FRMD6: variants seen among roughly 807,000 people sequenced by gnomAD.
The protein encoded by FRMD6 is FERM domain-containing protein 6.
A neutral mutation model predicts 73.2 loss-of-function variants in FRMD6; 37 were observed. That is an observed-to-expected ratio of 0.51 (90% CI 0.39 to 0.66). FRMD6 has a LOEUF of 0.66. Among genes scored for constraint, FRMD6 ranks in the 30% least tolerant of loss-of-function variants. The pLI, the probability that FRMD6 is intolerant of heterozygous loss-of-function variation, is 0.00. For missense variants in FRMD6, 714 were observed against 780.5 expected (o/e 0.91, Z 1.02); for synonymous variants, 273 against 282.2 (o/e 0.97, Z 0.33).
At chr14:51,433,124 A>G in the FRMD6 span, among the ~76,000 whole-genome samples, 2 of 152,232 alleles carry the variant, frequency 1.3e-5, no homozygotes, top group Admixed American at 6.5e-5. Context: ...TTTAAAAGTG[A>G]AATTTGACAT....
At chr14:51,656,527 C>T (rs1029218782) in intron 1 of FRMD6, among the ~76,000 whole-genome samples, 4 of 151,952 alleles carry the variant, frequency 2.6e-5, no homozygotes, top group Admixed American at 1.3e-4. Flanking sequence ...GATTCTCCTG[C>T]CTCAGCCTCC....
In FRMD6 at chr14:51,727,874, G is replaced by A. The variant is rs1341065673; in HGVS notation, c.1714G>A (p.Gly572Arg). The change falls in exon 14 of 14, where the codon GGA becomes AGA. Residue 572 changes from glycine to arginine, a missense_variant. Physicochemically the swap from Gly to Arg is moderately radical, Grantham distance 125 (BLOSUM62 -2). Transcript: ENST00000344768. ...GGACACTGCTCAGAGTTACACCTTT[G>A]GATGTGGCCATGAACTGGATGAGGA... ...CQDTAQSYTF[G>R]CGHELDEEGL... is the part of the protein sequence containing the mutation. The A allele has an allele frequency of 3.1e-6, 5 of 1,614,094 alleles. No homozygotes were observed. In the Admixed American group the frequency reaches 8.3e-5, roughly 27 times the overall value.
chr14:51,495,375 A>G (rs1883233658), intron 1 of FRMD6, among the ~76,000 whole-genome samples: 1 of 152,182 alleles, frequency 6.6e-6, no homozygotes, highest in African/African-American at 2.4e-5. Flanking sequence ...CACCAGAATC[A>G]CTTTTAAGGG....
intron 1 of FRMD6, among the ~76,000 whole-genome samples, chr14:51,546,395 TC>T (rs1379736585): frequency 3.5e-5 from 3 of 84,916 alleles, no homozygotes; most frequent in African/African-American, 1.8e-4. Flanking sequence ...AAAGAGAAAC[TC>T]TTTTTTTTTT....
the FRMD6 span, among the ~76,000 whole-genome samples, chr14:51,406,125 T>C: frequency 6.6e-6 from 1 of 152,164 alleles, no homozygotes; most frequent in Non-Finnish European, 1.5e-5. Context: ...GTCAAGTTTG[T>C]CAAAGAGATG....
intron 2 of FRMD6, 53 bp downstream of exon 2, chr14:51,689,988 C>T: frequency 8.9e-7 from 1 of 1,122,266 alleles, no homozygotes; most frequent in Non-Finnish European, 1.4e-6. Flanking sequence ...CACCAGTGGC[C>T]ACATTCAACT....
the FRMD6 span, among the ~76,000 whole-genome samples, chr14:51,399,378 C>G: frequency 3.3e-5 from 5 of 152,298 alleles, no homozygotes; most frequent in Non-Finnish European, 5.9e-5. Flanking sequence ...CTACTTTCCT[C>G]TCTAGTAGAC....
chr14:51,518,235 G>A (rs1421572322), intron 1 of FRMD6, among the ~76,000 whole-genome samples: 1 of 152,152 alleles, frequency 6.6e-6, no homozygotes, highest in African/African-American at 2.4e-5. Context: ...ATATACTGTA[G>A]TAAAGACAAT....
chr14:51,425,968 A>G, the FRMD6 span, among the ~76,000 whole-genome samples: 16 of 152,244 alleles, frequency 1.1e-4, no homozygotes, highest in African/African-American at 3.6e-4. Flanking sequence ...GTGCTGAATG[A>G]GTGGATGGAT....
chr14:51,444,493 C>T, the FRMD6 span, among the ~76,000 whole-genome samples: 37 of 152,276 alleles, frequency 2.4e-4, no homozygotes, highest in African/African-American at 5.5e-4. Context: ...CAGTCTGTAA[C>T]GAATCCATTG....
At chr14:51,655,874 C>T (rs1042584406) in intron 1 of FRMD6, among the ~76,000 whole-genome samples, 2 of 152,148 alleles carry the variant, frequency 1.3e-5, no homozygotes, top group African/African-American at 4.8e-5. Context: ...AAATAATGTG[C>T]AGGGACTGGA....
upstream of FRMD6, among the ~76,000 whole-genome samples, chr14:51,486,140 T>C (rs150561405): frequency 2.4e-4 from 36 of 152,154 alleles, no homozygotes; most frequent in African/African-American, 7.9e-4. Context: ...GTTCACGTCA[T>C]TCTCCTGCCT....
chr14:51,600,065 T>C (rs1387338242), intron 2 of FRMD6: 2 of 151,842 alleles, frequency 1.3e-5, no homozygotes, highest in Non-Finnish European at 2.9e-5. Context: ...TCCTGCACTT[T>C]GTAAATTCAA....
At chr14:51,667,760 T>C (rs1893708633) in intron 1 of FRMD6, among the ~76,000 whole-genome samples, 1 of 152,188 alleles carries the variant, frequency 6.6e-6, no homozygotes, top group South Asian at 2.1e-4. Flanking sequence ...TCAGGAACAG[T>C]TTTTAATAAA....
At chr14:51,644,522 T>G (rs1891976632) in intron 2 of FRMD6, among the ~76,000 whole-genome samples, 1 of 152,242 alleles carries the variant, frequency 6.6e-6, no homozygotes, top group Non-Finnish European at 1.5e-5. Flanking sequence ...ATTTTAGATC[T>G]GTGCTCACGT....
chr14:51,509,394 G>C (rs1363434942), intron 1 of FRMD6, among the ~76,000 whole-genome samples: 1 of 152,028 alleles, frequency 6.6e-6, no homozygotes, highest in East Asian at 2.0e-4. Flanking sequence ...AGGCGTAGTG[G>C]CAGATGCCTG....
chr14:51,536,548 G>T (rs1261109714), intron 1 of FRMD6, among the ~76,000 whole-genome samples: 1 of 152,092 alleles, frequency 6.6e-6, no homozygotes, highest in East Asian at 1.9e-4. Flanking sequence ...CTCCCCAGTA[G>T]CTGGGATTAC....
intron 2 of FRMD6, among the ~76,000 whole-genome samples, chr14:51,578,126 G>A (rs994626647): frequency 2.0e-5 from 3 of 152,152 alleles, no homozygotes; most frequent in Non-Finnish European, 4.4e-5. Flanking sequence ...GGAACTTTTA[G>A]AGACCTGGTC....
At chr14:51,572,134 C>A (rs994632049) in intron 2 of FRMD6, among the ~76,000 whole-genome samples, 3 of 152,246 alleles carry the variant, frequency 2.0e-5, no homozygotes, top group African/African-American at 7.2e-5. Flanking sequence ...GGAAAAGCAT[C>A]ATTCATAGCC....
Sources: gnomAD v4.1 joint callset for allele counts (sites outside exome capture counted in the v4.1 genomes callset) on GRCh38, gnomAD v4.1.1 for gene constraint, MANE v1.5 for transcripts, NCBI Gene and HGNC (gene_info 2026-07-23, HGNC 2026-07-21) for gene names.